JAKMIP3: variants seen among roughly 807,000 people sequenced by gnomAD.
The protein encoded by JAKMIP3 is janus kinase and microtubule-interacting protein 3.
Under a neutral mutation model 118.5 loss-of-function variants are expected in JAKMIP3, and 58 were observed. That is an observed-to-expected ratio of 0.49 (90% CI 0.40 to 0.61). The LOEUF is 0.61. Among genes scored for constraint, JAKMIP3 ranks in the 20% least tolerant of loss-of-function variants. The pLI, the probability that JAKMIP3 is intolerant of heterozygous loss-of-function variation, is 0.00. For synonymous variants in JAKMIP3, 486 were observed against 451.2 expected (o/e 1.08, Z -0.98); for missense variants, 950 against 1,109.0 (o/e 0.86, Z 2.04).
chr10:132,097,911 C>CCTTCCTTCCTTTTCTTTTCTCCCCTTA (rs2044158813), intron 1 of JAKMIP3, among the ~76,000 whole-genome samples: 1 of 21,512 alleles, frequency 4.6e-5, no homozygotes, highest in East Asian at 2.9e-3. Context: ...CCTTCCCCTT[C>CCTTCCTTCCTTTTCTTTTCTCCCCTTA]CCCTTCCCCT....
intron 23 of JAKMIP3, among the ~76,000 whole-genome samples, chr10:132,180,708 CGCGTGTGT>C (rs1565021075): frequency 2.4e-4 from 3 of 12,746 alleles, no homozygotes; most frequent in Admixed American, 9.0e-4. Context: ...TGTGTGTGTG[CGCGTGTGT>C]GTGCGTGTGT....
chr10:132,120,865 G>T (rs75687627), intron 3 of JAKMIP3, among the ~76,000 whole-genome samples: 1 of 152,262 alleles, frequency 6.6e-6, no homozygotes, highest in Non-Finnish European at 1.5e-5. Flanking sequence ...CAGCTGTGAG[G>T]GAGTGTCTGG....
intron 3 of JAKMIP3, among the ~76,000 whole-genome samples, chr10:132,121,647 C>T (rs1356046063): frequency 6.6e-6 from 1 of 152,176 alleles, no homozygotes; most frequent in Non-Finnish European, 1.5e-5. Context: ...ATTGCCGTGG[C>T]CCTGGGAGGG....
chr10:132,075,875 GACA>G lies in JAKMIP3; in HGVS notation c.-138+9818_-138+9820del, dbSNP rs747381785. On this transcript the variant is annotated intron_variant, in intron 1 of 23. Coordinates refer to ENST00000684848, the MANE Select transcript of JAKMIP3 (RefSeq NM_001323087.2). Reference sequence around the variant, plus strand: ...CTTTGTGTAAATTCAGTTTCCATTTGACAACACCTCCTCCCCTGAGGAACTTCC... The same window carrying G: ...CTTTGTGTAAATTCAGTTTCCATTTGACACCTCCTCCCCTGAGGAACTTCC... 3.4e-4 allele frequency among the ~76,000 whole-genome samples: 51 copies of G among 152,170 alleles called. 1 individual carries two copies. The South Asian group carries it at 9.5e-3, about 28-fold the overall frequency.
At position 132,136,082 on chromosome 10, in the gene JAKMIP3, G is replaced by C. The variant is rs779420732; in HGVS notation, c.1116+6G>C. On this transcript the variant is annotated splice_donor_region_variant and intron_variant, in intron 6 of 23. Transcript: ENST00000684848. ...CCCAGGAGAACATAGAAATGGTGAG[G>C]GGGTGGGGGGCTCCACGGGGCCACG... The C allele has an allele frequency of 6.2e-7, 1 of 1,612,960 alleles. No individual in the cohort carries two copies. The highest frequency in any genetic ancestry group is 1.1e-5 in the South Asian group (1 of 91,034).
chr10:132,039,865 C>T (rs1305303421), intron 1 of JAKMIP3, among the ~76,000 whole-genome samples: 1 of 152,248 alleles, frequency 6.6e-6, no homozygotes, highest in African/African-American at 2.4e-5. Flanking sequence ...CTGCAAGTCA[C>T]GCTGTGTGTG....
intron 8 of JAKMIP3, 78 bp from the exon 9 acceptor site, chr10:132,138,041 A>C: frequency 7.5e-7 from 1 of 1,334,062 alleles, no homozygotes; most frequent in Non-Finnish European, 1.1e-6. Flanking sequence ...AAATGATGGC[A>C]CACGGGCAGT....
At chr10:132,074,800 A>G (rs575183458) in intron 1 of JAKMIP3, among the ~76,000 whole-genome samples, 1 of 152,258 alleles carries the variant, frequency 6.6e-6, no homozygotes, top group East Asian at 1.9e-4. Flanking sequence ...TAGGATTTTT[A>G]TAGTTTTCAG....
At chr10:132,163,477 G>T in intron 20 of JAKMIP3, 65 bp downstream of exon 20, 1 of 1,447,042 alleles carries the variant, frequency 6.9e-7, no homozygotes, top group Admixed American at 2.0e-5. Context: ...GAGCCAGGGG[G>T]GGTCCTCCCA....
At chr10:132,142,622 G>A (rs1343773040) in intron 11 of JAKMIP3, among the ~76,000 whole-genome samples, 3 of 152,168 alleles carry the variant, frequency 2.0e-5, no homozygotes, top group Admixed American at 6.5e-5. Flanking sequence ...TGCCCTCTGC[G>A]GGCCGTGGAG....
chr10:132,168,180 G>A lies in JAKMIP3; in HGVS notation c.*250G>A, dbSNP rs1015675796. On this transcript the variant is annotated 3_prime_UTR_variant, in exon 23 of 24. Coordinates refer to ENST00000684848, the MANE Select transcript of JAKMIP3 (RefSeq NM_001323087.2). ...CTTCTCGGGGGCTTCTCCGGGACGG[G>A]CCTGGCCTTGGCTGCTGGACCCTGG... The A allele has an allele frequency of 1.6e-6, 2 of 1,288,392 alleles. No homozygotes were observed. Among genetic ancestry groups the A allele is most frequent in the Non-Finnish European group, 2.0e-6 (2 of 988,262 alleles). 79.8% of individuals were successfully genotyped at this position (1,288,392 alleles called of 1,614,324 possible).
intron 3 of JAKMIP3, among the ~76,000 whole-genome samples, chr10:132,123,390 A>G (rs1483920268): frequency 1.3e-5 from 2 of 152,230 alleles, no homozygotes; most frequent in Non-Finnish European, 2.9e-5. Context: ...CGCAAAAGCC[A>G]GTTTCTCCTT....
chr10:132,128,227 C>G (rs1452361054), intron 3 of JAKMIP3, among the ~76,000 whole-genome samples: 2 of 152,200 alleles, frequency 1.3e-5, no homozygotes, highest in Non-Finnish European at 2.9e-5. Flanking sequence ...CAAGAGATGT[C>G]CTGCCAGTGT....
intron 21 of JAKMIP3, among the ~76,000 whole-genome samples, chr10:132,165,945 C>G (rs1428609201): frequency 6.6e-6 from 1 of 152,264 alleles, no homozygotes; most frequent in Admixed American, 6.5e-5. Context: ...GGGCTGGAGC[C>G]TCAGAGGGCA....
chr10:132,076,856 C>T lies in JAKMIP3; in HGVS notation c.-138+10795C>T, dbSNP rs1358632580. 3.5e-5 allele frequency among the ~76,000 whole-genome samples: 5 copies of T among 144,122 alleles called. 1 individual carries two copies. Among genetic ancestry groups the T allele is most frequent in the East Asian group, 2.1e-4 (1 of 4,670 alleles). 94.5% of individuals were successfully genotyped at this position (144,122 alleles called of 152,430 possible). ...CCTGCAGTGGCCCCGGATCTTACTG[C>T]GTGAGGGCTGGCCTGCGGTGTCCCC... On this transcript the variant is annotated intron_variant, in intron 1 of 23. Transcript: ENST00000684848.
Position 132,067,999 on chromosome 10 carries a change from T to C in JAKMIP3, c.-138+1938T>C, listed in dbSNP as rs563372154. Among the ~76,000 whole-genome samples, 18 of 150,798 alleles carry C rather than the reference T, an allele frequency of 1.2e-4. No individual in the cohort carries two copies. The East Asian group carries it at 2.6e-3, about 22-fold the overall frequency. ...GTGAGCTTCCGTGTGGACTGTGGGC[T>C]TCTGTGTGGACTGGACTATGGGCTT... On this transcript the variant is annotated intron_variant, in intron 1 of 23. Coordinates refer to ENST00000684848, the MANE Select transcript of JAKMIP3 (RefSeq NM_001323087.2).
intron 13 of JAKMIP3, among the ~76,000 whole-genome samples, 200 bp downstream of exon 13, chr10:132,145,780 G>GCCTGTTCTCCTGGGT (rs567776409): frequency 2.0e-5 from 3 of 152,192 alleles, no homozygotes; most frequent in Non-Finnish European, 4.4e-5. Context: ...GGGAGCTGGG[G>GCCTGTTCTCCTGGGT]CCTGTTCTCC....
intron 1 of JAKMIP3, among the ~76,000 whole-genome samples, chr10:132,090,287 A>G (rs1401608816): frequency 6.6e-6 from 1 of 152,220 alleles, no homozygotes; most frequent in East Asian, 1.9e-4. Flanking sequence ...AAAGAATGGT[A>G]CCAGCTCCTC....
rs1193757389 is a variant in JAKMIP3, at chr10:132,112,993, C to T, written c.136-4084C>T. On this transcript the variant is annotated intron_variant, in intron 2 of 23. Coordinates refer to ENST00000684848, the MANE Select transcript of JAKMIP3 (RefSeq NM_001323087.2). This position sits in a 1 kb window ranked among gnomAD's most constrained non-coding sequence, Gnocchi z 4.3. ...AGGGTTTGAAAGACTGTGACCGTCC[C>T]ACTTTCTAAAGCGTGACTTACTGAA... Among the ~76,000 whole-genome samples the T allele has an allele frequency of 6.6e-6, 1 of 152,194 alleles. No homozygotes were observed. Among genetic ancestry groups the T allele is most frequent in the African/African-American group, 2.4e-5 (1 of 41,456 alleles).
Sources: allele counts gnomAD v4.1 joint callset (sites outside exome capture counted in the v4.1 genomes callset), GRCh38; gene constraint gnomAD v4.1.1; non-coding constraint Gnocchi (gnomAD v3.1); transcripts MANE v1.5; gene names NCBI Gene and HGNC (gene_info 2026-07-23, HGNC 2026-07-21).